The following SIPA1L3 variants were observed in gnomAD, a reference collection of about 807,000 sequenced individuals.
SIPA1L3 encodes the protein signal-induced proliferation-associated 1-like protein 3.
SIPA1L3 carries 59 observed loss-of-function variants against 150.1 expected under a neutral mutation model. That is an observed-to-expected ratio of 0.39 (90% CI 0.32 to 0.49). The LOEUF is 0.49. Ranked by LOEUF, SIPA1L3 falls within the 20% of genes least tolerant of loss-of-function variation. The probability of loss-of-function intolerance (pLI) is 0.86; values close to 1 mark genes in which losing one functional copy is unlikely to be tolerated. For missense variants in SIPA1L3, 2,211 were observed against 2,489.5 expected, an observed-to-expected ratio of 0.89 and a Z score of 2.38; for synonymous variants, 1,070 against 1,077.6, an observed-to-expected ratio of 0.99 and a Z score of 0.14.
intron 1 of SIPA1L3, among the ~76,000 whole-genome samples, chr19:37,956,482 G>GTTTTTTTTTTTTT (rs34804753): frequency 3.2e-5 from 4 of 126,882 alleles, no homozygotes; most frequent in Non-Finnish European, 3.4e-5. Flanking sequence ...AAGTATAAAA[G>GTTTTTTTTTTTTT]TTTTGTTTTT....
At chr19:38,011,878 G>C (rs898803221) in intron 1 of SIPA1L3, among the ~76,000 whole-genome samples, 3 of 152,138 alleles carry the variant, frequency 2.0e-5, no homozygotes, top group Non-Finnish European at 4.4e-5. Context: ...CTTGGCCTGG[G>C]AGGGAGAAAG....
chr19:38,151,846 C>T (rs1229385462), intron 12 of SIPA1L3, among the ~76,000 whole-genome samples: 1 of 151,690 alleles, frequency 6.6e-6, no homozygotes, highest in Non-Finnish European at 1.5e-5. Context: ...AGCTATAGTA[C>T]CAGCTACTCA....
chr19:37,958,409 G>A (rs763442916), intron 1 of SIPA1L3, among the ~76,000 whole-genome samples: 27 of 152,170 alleles, frequency 1.8e-4, no homozygotes, highest in Non-Finnish European at 3.7e-4. Context: ...CTGGGCAACC[G>A]AGTGAGTCCC....
At position 38,149,965 on chromosome 19, in the gene SIPA1L3, C is replaced by A. The variant is rs376810645; in HGVS notation, c.3534-2875C>A. 2.0e-5 allele frequency among the ~76,000 whole-genome samples: 3 copies of A among 152,142 alleles called. No individual in the cohort carries two copies. The South Asian group carries it at 6.2e-4, about 32-fold the overall frequency. On this transcript the variant is annotated intron_variant, in intron 12 of 21. Coordinates refer to ENST00000222345, the MANE Select transcript of SIPA1L3 (RefSeq NM_015073.3). ...TTCCTGAGTGCTGAGGATTTCACAG[C>A]GACTTTTTGGGAAAACTGAGTAAGT... is the stretch of plus-strand genomic sequence containing the variant.
intron 1 of SIPA1L3, among the ~76,000 whole-genome samples, chr19:37,986,660 C>T (rs1237454697): frequency 6.6e-6 from 1 of 152,220 alleles, no homozygotes; most frequent in Non-Finnish European, 1.5e-5. Flanking sequence ...CTTTTCTTAA[C>T]CCTGGCTGCA....
chr19:37,962,407 G>A (rs2046866697), intron 1 of SIPA1L3, among the ~76,000 whole-genome samples: 1 of 145,744 alleles, frequency 6.9e-6, no homozygotes, highest in Non-Finnish European at 1.5e-5. Context: ...GCCTCTGAAA[G>A]TGCTGGGGTT....
chr19:38,155,007 C>T (rs959708708), intron 13 of SIPA1L3, among the ~76,000 whole-genome samples: 29 of 152,170 alleles, frequency 1.9e-4, no homozygotes, highest in Middle Eastern at 3.4e-3. Context: ...GTGATCCACC[C>T]GCTTCGGCTT....
intron 2 of SIPA1L3, among the ~76,000 whole-genome samples, chr19:38,032,852 CA>C (rs34941718): frequency 1.0e-4 from 15 of 145,962 alleles, no homozygotes; most frequent in Non-Finnish European, 1.1e-4. Context: ...GACTCGGTCT[CA>C]AAAAAAAAAA....
intron 4 of SIPA1L3, among the ~76,000 whole-genome samples, chr19:38,090,350 G>T (rs1970233010): frequency 7.0e-6 from 1 of 143,130 alleles, no homozygotes; most frequent in African/African-American, 2.6e-5. Context: ...AAAAAAAAAG[G>T]CTTACACTGA....
At chr19:38,088,979 C>A in intron 4 of SIPA1L3, 128 bp downstream of exon 4, 1 of 951,092 alleles carries the variant, frequency 1.1e-6, no homozygotes, top group Non-Finnish European at 1.6e-6. Context: ...GGAGAGCAAT[C>A]CTGTTAGTCT....
At chr19:38,124,012 C>T (rs1303670157) in intron 9 of SIPA1L3, among the ~76,000 whole-genome samples, 7 of 150,016 alleles carry the variant, frequency 4.7e-5, no homozygotes, top group African/African-American at 7.4e-5. Flanking sequence ...GGCGGATGGC[C>T]GGGCAGAGGG....
rs1969998855 is a variant in SIPA1L3, at chr19:38,082,065, G to A, written c.500G>A (p.Arg167Gln). 3 of 1,613,138 alleles carry A rather than the reference G, an allele frequency of 1.9e-6. No individual in the cohort carries two copies. The highest frequency in any genetic ancestry group is 2.5e-6 in the Non-Finnish European group (3 of 1,179,948). Reference sequence around the variant, plus strand: ...CCCGGCAGGGCCTTCCTCCCCCTTCGGCACCGCAGCAGCAGCGAGATCACC... The same window carrying A: ...CCCGGCAGGGCCTTCCTCCCCCTTCAGCACCGCAGCAGCAGCGAGATCACC... ...RSPGRAFLPL[R>Q]HRSSSEITLS... Residue 167 changes from arginine (R) to glutamine (Q), a missense_variant, in exon 3 of 22, where the codon CGG becomes CAG. Coordinates refer to ENST00000222345, the MANE Select transcript of SIPA1L3 (RefSeq NM_015073.3).
chr19:38,141,136 G>C lies in SIPA1L3; in HGVS notation c.3144-48G>C, dbSNP rs771664406. The C allele has an allele frequency of 9.9e-6, 15 of 1,515,686 alleles. No homozygotes were observed. In the African/African-American group the frequency reaches 2.1e-4, roughly 21 times the overall value. 93.9% of individuals were successfully genotyped at this position (1,515,686 alleles called of 1,614,324 possible). A position where few individuals can be genotyped will look rare whatever the true frequency, so the allele number is the denominator to read the frequency against. The stretch of plus-strand genomic sequence containing the variant: ...AACCCAGCCTAGACAGCAGGCCCAC[G>C]TGTTGGTGGGCTGGGGCCTTTCTGA... On this transcript the variant is annotated intron_variant, in intron 10 of 21. Transcript: ENST00000222345.
chr19:38,028,638 G>A (rs529387636), intron 1 of SIPA1L3, among the ~76,000 whole-genome samples: 1 of 151,932 alleles, frequency 6.6e-6, no homozygotes, highest in South Asian at 2.1e-4. Flanking sequence ...CTTTGTCTTG[G>A]AGAACCCTGG....
intron 12 of SIPA1L3, among the ~76,000 whole-genome samples, chr19:38,143,596 T>A (rs1971642299): frequency 7.2e-6 from 1 of 138,884 alleles, no homozygotes; most frequent in South Asian, 2.3e-4. Flanking sequence ...TGGAGTGCAG[T>A]GGCGCAATCT....
intron 8 of SIPA1L3, among the ~76,000 whole-genome samples, chr19:38,116,888 A>G (rs1482417080): frequency 6.6e-6 from 1 of 152,146 alleles, no homozygotes; most frequent in East Asian, 1.9e-4. Flanking sequence ...CATGAAGAAC[A>G]TAACTCACCT....
intron 1 of SIPA1L3, among the ~76,000 whole-genome samples, chr19:37,914,075 A>C (rs955278463): frequency 6.6e-6 from 1 of 151,180 alleles, no homozygotes; most frequent in East Asian, 1.9e-4. Flanking sequence ...AGATAGTTTT[A>C]ACTGTGATGG....
chr19:38,182,759 A>C lies in SIPA1L3; in HGVS notation c.4430+19A>C, dbSNP rs774612194. 2 of 1,592,510 alleles carry C rather than the reference A, an allele frequency of 1.3e-6. No homozygotes were observed. Among genetic ancestry groups the C allele is most frequent in the Admixed American group, 3.4e-5 (2 of 58,156 alleles). ...CAAAGAAGTAAGTGCCTGGACGTCC[A>C]GCGAGGCGCCCGCCAGATCCACACC... On this transcript the variant is annotated intron_variant, in intron 16 of 21. Transcript: ENST00000222345.
intron 21 of SIPA1L3, among the ~76,000 whole-genome samples, chr19:38,204,792 C>A (rs2146078463): frequency 6.6e-6 from 1 of 152,190 alleles, no homozygotes; most frequent in African/African-American, 2.4e-5. Context: ...AAATGTTGAT[C>A]CAGTAATTCC....
Sources: allele counts gnomAD v4.1 joint callset (sites outside exome capture counted in the v4.1 genomes callset), GRCh38; gene constraint gnomAD v4.1.1; transcripts MANE v1.5; gene names NCBI Gene and HGNC (gene_info 2026-07-23, HGNC 2026-07-21).